Variants in SYCP1 observed in about 807,000 individuals in gnomAD.
SYCP1 encodes the protein synaptonemal complex protein 1.
A neutral mutation model predicts 153.1 loss-of-function variants in SYCP1; 64 were observed. The observed-to-expected ratio is 0.42, with a 90% CI of 0.34 to 0.51. The LOEUF (loss-of-function observed/expected upper bound fraction) is 0.51. Among genes scored for constraint, SYCP1 ranks in the 20% least tolerant of loss-of-function variants. The probability of loss-of-function intolerance (pLI) is 0.06; values close to 1 mark genes in which losing one functional copy is unlikely to be tolerated. For missense variants in SYCP1, 997 were observed against 1,049.0 expected (o/e 0.95, Z 0.68); for synonymous variants, 384 against 341.8 (o/e 1.12, Z -1.36).
chr1:114,886,684 C>T (rs948071987), intron 14 of SYCP1, among the ~76,000 whole-genome samples: 1 of 151,936 alleles, frequency 6.6e-6, no homozygotes, highest in African/African-American at 2.4e-5. Context: ...GTCTGTAGAC[C>T]TTTCTGATTT....
intron 23 of SYCP1, among the ~76,000 whole-genome samples, chr1:114,936,749 T>C (rs1031990869): frequency 6.6e-6 from 1 of 152,114 alleles, no homozygotes; most frequent in East Asian, 1.9e-4. Flanking sequence ...AGCATTCCTA[T>C]ACACCAATAA....
chr1:114,857,814 T>C (rs1388086139), intron 5 of SYCP1, among the ~76,000 whole-genome samples: 1 of 152,080 alleles, frequency 6.6e-6, no homozygotes, highest in Non-Finnish European at 1.5e-5. Flanking sequence ...ACTGGTTTAT[T>C]GTATAAGGAA....
At chr1:114,974,798 G>A (rs1380373085) in intron 27 of SYCP1, among the ~76,000 whole-genome samples, 2 of 151,852 alleles carry the variant, frequency 1.3e-5, no homozygotes. Context: ...GAATGTGAGT[G>A]TGCAACTATC....
intron 23 of SYCP1, among the ~76,000 whole-genome samples, chr1:114,937,606 G>T (rs1245932993): frequency 1.3e-5 from 2 of 151,944 alleles, no homozygotes; most frequent in Admixed American, 6.6e-5. Flanking sequence ...GAGTGAACAG[G>T]CAACCTACAG....
chr1:114,865,643 A>T (rs1664692723), intron 8 of SYCP1, among the ~76,000 whole-genome samples: 1 of 152,204 alleles, frequency 6.6e-6, no homozygotes, highest in South Asian at 2.1e-4. Context: ...TCCGATTATC[A>T]ACATAACTCA....
intron 27 of SYCP1, among the ~76,000 whole-genome samples, chr1:114,967,708 AT>A (rs1672221268): frequency 6.6e-6 from 1 of 152,078 alleles, no homozygotes; most frequent in African/African-American, 2.4e-5. Flanking sequence ...TTGTGTGTGA[AT>A]TTGGTCCTGT....
At chr1:114,900,397 G>A (rs1667349907) in intron 16 of SYCP1, among the ~76,000 whole-genome samples, 1 of 151,822 alleles carries the variant, frequency 6.6e-6, no homozygotes, top group Admixed American at 6.6e-5. Context: ...TTTCCTGCCT[G>A]AGCCTCCTGA....
At chr1:114,968,145 A>G (rs1672254809) in intron 27 of SYCP1, among the ~76,000 whole-genome samples, 1 of 152,008 alleles carries the variant, frequency 6.6e-6, no homozygotes, top group Non-Finnish European at 1.5e-5. Context: ...TGAATCTGAC[A>G]ATTATGTGTC....
At chr1:114,909,722 A>G (rs1668059184) in intron 16 of SYCP1, among the ~76,000 whole-genome samples, 1 of 152,192 alleles carries the variant, frequency 6.6e-6, no homozygotes, top group Non-Finnish European at 1.5e-5. Context: ...ATATATTTTA[A>G]GCATCTAGTG....
chr1:114,994,083 A>G (rs1557859980), intron 30 of SYCP1, among the ~76,000 whole-genome samples: 1 of 151,196 alleles, frequency 6.6e-6, no homozygotes, highest in African/African-American at 2.4e-5. Context: ...ATAATATTCC[A>G]TTGTATGTAT....
At chr1:114,890,287 A>G (rs1374900019) in intron 15 of SYCP1, among the ~76,000 whole-genome samples, 1 of 151,826 alleles carries the variant, frequency 6.6e-6, no homozygotes, top group Admixed American at 6.6e-5. Context: ...AGGGAAGAAA[A>G]TGTTAGAATT....
At chr1:114,956,186 G>T (rs995776007) in intron 27 of SYCP1, among the ~76,000 whole-genome samples, 3 of 152,098 alleles carry the variant, frequency 2.0e-5, no homozygotes, top group Non-Finnish European at 4.4e-5. Context: ...TGGGAGATGT[G>T]TACCTGTTTG....
chr1:114,915,648 T>G (rs1668469382), intron 20 of SYCP1, among the ~76,000 whole-genome samples: 1 of 152,210 alleles, frequency 6.6e-6, no homozygotes. Context: ...GCTCAGAATT[T>G]AAAACTCTTT....
intron 30 of SYCP1, among the ~76,000 whole-genome samples, chr1:114,991,743 A>G (rs535473124): frequency 6.6e-6 from 1 of 151,878 alleles, no homozygotes; most frequent in South Asian, 2.1e-4. Context: ...AATATTAAGA[A>G]TGAGGCAGGG....
intron 27 of SYCP1, among the ~76,000 whole-genome samples, 198 bp downstream of exon 27, chr1:114,947,518 G>A (rs1424009729): frequency 6.6e-6 from 1 of 151,954 alleles, no homozygotes; most frequent in East Asian, 1.9e-4. Flanking sequence ...AAATATAAGT[G>A]TACTTTTAAG....
chr1:114,855,650 G>A, intron 2 of SYCP1, 78 bp downstream of exon 2: 3 of 1,169,982 alleles, frequency 2.6e-6, no homozygotes, highest in South Asian at 2.9e-5. Context: ...CTTCCTGGTG[G>A]TGTTTTATAA....
At chr1:114,946,456 T>C (rs997534595) in intron 26 of SYCP1, 75 bp downstream of exon 26, 1 of 831,652 alleles carries the variant, frequency 1.2e-6, no homozygotes, top group Non-Finnish European at 1.9e-6. Flanking sequence ...AGAATAATAT[T>C]AAGTAAAACT....
intron 8 of SYCP1, among the ~76,000 whole-genome samples, chr1:114,873,567 G>A (rs1289934476): frequency 6.6e-6 from 1 of 152,186 alleles, no homozygotes; most frequent in Non-Finnish European, 1.5e-5. Context: ...CAAATTCCCA[G>A]CAGATTTTGC....
chr1:114,876,348 A>G (rs921008017), intron 10 of SYCP1, among the ~76,000 whole-genome samples: 43 of 152,000 alleles, frequency 2.8e-4, no homozygotes, highest in African/African-American at 8.4e-4. Context: ...TACATCTTTC[A>G]TGAAATCAAA....
Sources: allele counts gnomAD v4.1 joint callset (sites outside exome capture counted in the v4.1 genomes callset), GRCh38; gene constraint gnomAD v4.1.1; transcripts MANE v1.5; gene names NCBI Gene and HGNC (gene_info 2026-07-23, HGNC 2026-07-21).